ZNF143: variants seen among roughly 807,000 people sequenced by gnomAD.
ZNF143 encodes zinc finger protein 143.
Under a neutral mutation model 74.1 loss-of-function variants are expected in ZNF143, and 49 were observed. The ratio of observed to expected loss-of-function variants is 0.66; its 90% CI spans 0.53 to 0.84. The LOEUF (loss-of-function observed/expected upper bound fraction) is 0.84. Among genes scored for constraint, ZNF143 ranks in the 40% least tolerant of loss-of-function variants. The pLI is 0.00. For missense variants in ZNF143, 637 were observed against 793.4 expected, an observed-to-expected ratio of 0.80 and a Z score of 2.37; for synonymous variants, 304 against 282.8, an observed-to-expected ratio of 1.07 and a Z score of -0.75.
chr11:9,476,282 T>C (rs1856885378), intron 5 of ZNF143, among the ~76,000 whole-genome samples: 1 of 152,164 alleles, frequency 6.6e-6, no homozygotes, highest in South Asian at 2.1e-4. Context: ...TGCACAAACA[T>C]GTAAAGCACT....
chr11:9,477,406 C>T (rs991657592), intron 5 of ZNF143, among the ~76,000 whole-genome samples: 3 of 152,098 alleles, frequency 2.0e-5, no homozygotes, highest in African/African-American at 4.8e-5. Flanking sequence ...AGGTGCGCGC[C>T]ACCATGCCCA....
Position 9,516,317 on chromosome 11 carries a change from G to C in ZNF143, c.1641G>C (p.Thr547=), listed in dbSNP as rs572827042. The C allele has an allele frequency of 2.5e-6, 4 of 1,613,806 alleles. No homozygotes were observed. Among genetic ancestry groups the C allele is most frequent in the East Asian group, 4.5e-5 (2 of 44,878 alleles). Residue 547 remains threonine (T), a synonymous_variant, in exon 14 of 16, where the codon ACG becomes ACC. Coordinates refer to ENST00000396602, the MANE Select transcript of ZNF143 (RefSeq NM_003442.6). The stretch of plus-strand genomic sequence containing the variant: ...ATGCAGTCATCTCCTCAGCAGGAAC[G>C]CACTCTGTTGCTATGGTTACTGCTG... ...AHDAVISSAG[T]HSVAMVTAEG...
chr11:9,462,699 C>A (rs186386302), intron 1 of ZNF143, among the ~76,000 whole-genome samples: 1 of 152,032 alleles, frequency 6.6e-6, no homozygotes, highest in African/African-American at 2.4e-5. Flanking sequence ...CGTGGTGAAA[C>A]CCCCGTCTCT....
chr11:9,506,900 A>G (rs760936123), intron 11 of ZNF143, among the ~76,000 whole-genome samples: 1 of 152,152 alleles, frequency 6.6e-6, no homozygotes, highest in Non-Finnish European at 1.5e-5. Flanking sequence ...GCTCAATCCA[A>G]ATCCATTCGC....
At chr11:9,484,605 GT>G (rs35344229) in intron 7 of ZNF143, among the ~76,000 whole-genome samples, 28,489 of 135,390 alleles carry the variant, frequency 0.21, 3,258 homozygotes, top group African/African-American at 0.24. Context: ...AAAGTTTGGT[GT>G]TTTTTTTTTT....
At chr11:9,510,486 A>T (rs1412332436) in intron 12 of ZNF143, among the ~76,000 whole-genome samples, 2 of 152,220 alleles carry the variant, frequency 1.3e-5, no homozygotes, top group African/African-American at 2.4e-5. Context: ...ATTTAAAAAC[A>T]AAACTAAACT....
chr11:9,523,223 G>A (rs1376771251), intron 14 of ZNF143, among the ~76,000 whole-genome samples: 2 of 152,074 alleles, frequency 1.3e-5, no homozygotes, highest in African/African-American at 4.8e-5. Context: ...CTTTGTTAAG[G>A]CAGGTCTGTT....
chr11:9,475,883 G>A (rs1420606928), intron 5 of ZNF143, among the ~76,000 whole-genome samples: 2 of 150,268 alleles, frequency 1.3e-5, no homozygotes, highest in African/African-American at 2.5e-5. Context: ...GGGCAACAGA[G>A]TGAGACCCTG....
At chr11:9,474,248 T>C (rs1856753866) in intron 4 of ZNF143, among the ~76,000 whole-genome samples, 1 of 152,170 alleles carries the variant, frequency 6.6e-6, no homozygotes, top group African/African-American at 2.4e-5. Context: ...TGAGTAACAG[T>C]CCTGAGTGAA....
At chr11:9,510,703 A>T (rs1848510608) in intron 12 of ZNF143, among the ~76,000 whole-genome samples, 1 of 152,078 alleles carries the variant, frequency 6.6e-6, no homozygotes, top group African/African-American at 2.4e-5. Flanking sequence ...GTACTCTTAG[A>T]TTAGCATATT....
At chr11:9,520,153 C>T (rs1848867081) in intron 14 of ZNF143, among the ~76,000 whole-genome samples, 1 of 149,216 alleles carries the variant, frequency 6.7e-6, no homozygotes, top group East Asian at 2.0e-4. Flanking sequence ...TCTCCTGCCT[C>T]GGCCTCCTTA....
chr11:9,515,940 G>A lies in ZNF143; in HGVS notation c.1525-261G>A, dbSNP rs185804985. Reference sequence around the variant, plus strand: ...TTTTAGACTTCAGTGATTTATGATTGCATCACTGCCCTCCAGCCTGGGCAA... The same window carrying A: ...TTTTAGACTTCAGTGATTTATGATTACATCACTGCCCTCCAGCCTGGGCAA... On this transcript the variant is annotated intron_variant, in intron 13 of 15. Transcript: ENST00000396602. Among the ~76,000 whole-genome samples, 143 of 151,868 alleles carry A rather than the reference G, an allele frequency of 9.4e-4. 1 individual carries two copies. The highest frequency in any genetic ancestry group is 1.9e-3 in the South Asian group (9 of 4,798).
chr11:9,486,387 A>AATATATATAAT (rs1847500457), intron 7 of ZNF143, among the ~76,000 whole-genome samples: 2 of 18,008 alleles, frequency 1.1e-4, no homozygotes, highest in African/African-American at 4.6e-4. Context: ...TTATATATAT[A>AATATATATAAT]ATATATATAA....
Position 9,461,406 on chromosome 11 carries a change from C to T in ZNF143, c.-8+330C>T, listed in dbSNP as rs539711805. Among the ~76,000 whole-genome samples the T allele has an allele frequency of 3.9e-5, 6 of 152,262 alleles. No homozygotes were observed. The South Asian group carries it at 1.0e-3, about 26-fold the overall frequency. On this transcript the variant is annotated intron_variant, in intron 1 of 15. Transcript: ENST00000396602. ...GAGTGAAAGAGGGGAGGGTGGAGCC[C>T]TCGGGAGCCTTGGCCGCGTTTCTCG...
intron 5 of ZNF143, among the ~76,000 whole-genome samples, chr11:9,475,399 A>G (rs1009627602): frequency 2.1e-4 from 32 of 152,142 alleles, no homozygotes; most frequent in East Asian, 1.9e-4. Flanking sequence ...AGCTAGGACT[A>G]CACGTGTGTG....
intron 1 of ZNF143, 44 bp from the exon 2 acceptor site, chr11:9,471,258 C>G: frequency 6.9e-7 from 1 of 1,454,324 alleles, no homozygotes; most frequent in Non-Finnish European, 9.5e-7. Context: ...TTTCATTTCA[C>G]ATGTATCATT....
chr11:9,521,031 G>C (rs750559207), intron 14 of ZNF143, among the ~76,000 whole-genome samples: 14 of 152,096 alleles, frequency 9.2e-5, no homozygotes. Flanking sequence ...AAAATTGAGA[G>C]GTAGGTACAG....
At chr11:9,482,756 T>A (rs1847298238) in intron 7 of ZNF143, among the ~76,000 whole-genome samples, 1 of 151,250 alleles carries the variant, frequency 6.6e-6, no homozygotes, top group African/African-American at 2.5e-5. Context: ...CCACTAGCCA[T>A]ATGTGGCTGT....
chr11:9,503,047 G>T (rs1426179662), intron 11 of ZNF143, among the ~76,000 whole-genome samples: 1 of 152,058 alleles, frequency 6.6e-6, no homozygotes, highest in Non-Finnish European at 1.5e-5. Flanking sequence ...TAGCCAGGAC[G>T]GTCTCGATCT....
Sources: gnomAD v4.1 joint callset for allele counts (sites outside exome capture counted in the v4.1 genomes callset) on GRCh38, gnomAD v4.1.1 for gene constraint, MANE v1.5 for transcripts, NCBI Gene and HGNC (gene_info 2026-07-23, HGNC 2026-07-21) for gene names.